CAST: variants seen among roughly 807,000 people sequenced by gnomAD.
CAST encodes MIR583 host.
Under a neutral mutation model 119.6 loss-of-function variants are expected in CAST, and 76 were observed. The ratio of observed to expected loss-of-function variants is 0.64; its 90% CI spans 0.53 to 0.77. The LOEUF (loss-of-function observed/expected upper bound fraction) is 0.77, where lower values mean the gene tolerates loss of function less well. Among genes scored for constraint, CAST ranks in the 30% least tolerant of loss-of-function variants. The pLI is 0.00. For synonymous variants in CAST, 319 were observed against 331.6 expected (o/e 0.96, Z 0.41); for missense variants, 953 against 946.5 (o/e 1.01, Z -0.09).
chr5:96,520,798 G>A (rs926140674), upstream of CAST, among the ~76,000 whole-genome samples: 13 of 152,214 alleles, frequency 8.5e-5, no homozygotes, highest in Admixed American at 2.6e-4. Flanking sequence ...TCCACCTACT[G>A]TGCATGACAG....
At chr5:96,534,724 A>AAC (rs1561408779) in intron 1 of CAST, among the ~76,000 whole-genome samples, 1 of 19,424 alleles carries the variant, frequency 5.1e-5, no homozygotes, top group Non-Finnish European at 1.1e-4. Flanking sequence ...GGAGAGAGAG[A>AAC]GAGAGAGAGA....
the CAST span, among the ~76,000 whole-genome samples, chr5:96,357,386 C>T: frequency 2.6e-5 from 4 of 152,080 alleles, no homozygotes; most frequent in African/African-American, 9.7e-5. Flanking sequence ...GAAGTGGTGG[C>T]AAAGGGCATC....
At chr5:96,685,853 AGTG>A in intron 2 of CAST, among the ~76,000 whole-genome samples, 1 of 152,256 alleles carries the variant, frequency 6.6e-6, no homozygotes, top group Non-Finnish European at 1.5e-5. Flanking sequence ...CTCTTATGCC[AGTG>A]GTCTTTTGAG....
chr5:96,273,107 A>G, the CAST span, among the ~76,000 whole-genome samples: 2 of 152,168 alleles, frequency 1.3e-5, no homozygotes, highest in East Asian at 3.8e-4. Flanking sequence ...ACAACCCTAG[A>G]GAAGAACTTG....
intron 25 of CAST, among the ~76,000 whole-genome samples, chr5:96,764,829 G>A (rs908723966): frequency 6.6e-6 from 1 of 152,082 alleles, no homozygotes; most frequent in Non-Finnish European, 1.5e-5. Flanking sequence ...GTTTTCTAAT[G>A]GTGTTTAATT....
At chr5:96,638,158 C>G (rs1434514170) in intron 1 of CAST, among the ~76,000 whole-genome samples, 1 of 152,062 alleles carries the variant, frequency 6.6e-6, no homozygotes, top group Non-Finnish European at 1.5e-5. Flanking sequence ...GTAATCCCAG[C>G]ACTTTGGGAG....
intron 1 of CAST, among the ~76,000 whole-genome samples, chr5:96,600,401 A>G (rs185751350): frequency 6.6e-6 from 1 of 152,346 alleles, no homozygotes; most frequent in African/African-American, 2.4e-5. Context: ...GTAAGGGCAC[A>G]TTATATGGAT....
At chr5:96,324,409 A>T in the CAST span, among the ~76,000 whole-genome samples, 4 of 152,350 alleles carry the variant, frequency 2.6e-5, no homozygotes, top group African/African-American at 9.6e-5. Flanking sequence ...TGCTTAGCTG[A>T]ACTGGCCTTT....
chr5:96,308,098 G>A, the CAST span, among the ~76,000 whole-genome samples: 5 of 152,054 alleles, frequency 3.3e-5, no homozygotes, highest in African/African-American at 9.7e-5. Context: ...CCAATCAAAC[G>A]TAGATTTGAT....
chr5:96,505,051 T>C, the CAST span, among the ~76,000 whole-genome samples: 1 of 152,218 alleles, frequency 6.6e-6, no homozygotes, highest in Non-Finnish European at 1.5e-5. Context: ...CTATAGTGTC[T>C]CTGCTATGAA....
At chr5:96,130,059 C>T in the CAST span, among the ~76,000 whole-genome samples, 1 of 141,972 alleles carries the variant, frequency 7.0e-6, no homozygotes, top group South Asian at 2.2e-4. Flanking sequence ...TCTTGCTGTC[C>T]CCTGGGCTGC....
At chr5:96,036,713 T>C in the CAST span, among the ~76,000 whole-genome samples, 2 of 152,208 alleles carry the variant, frequency 1.3e-5, no homozygotes, top group Non-Finnish European at 2.9e-5. Context: ...ACAATTAATA[T>C]TTAAGACCAT....
the CAST span, among the ~76,000 whole-genome samples, chr5:96,451,766 G>C: frequency 4.9e-4 from 75 of 152,178 alleles, 1 homozygote; most frequent in African/African-American, 1.8e-3. Context: ...CTAATATCCA[G>C]AATCTATAAA....
chr5:95,997,652 C>G, the CAST span, among the ~76,000 whole-genome samples: 4,039 of 152,238 alleles, frequency 0.027, 173 homozygotes, highest in African/African-American at 0.091. Context: ...AGGCTTTGTA[C>G]TGCTCATTTC....
At chr5:96,048,137 G>T in the CAST span, among the ~76,000 whole-genome samples, 1 of 152,184 alleles carries the variant, frequency 6.6e-6, no homozygotes, top group African/African-American at 2.4e-5. Context: ...ATATTTAAGT[G>T]CTCAGTTTGT....
chr5:96,399,926 G>T, the CAST span: 2 of 1,518,658 alleles, frequency 1.3e-6, no homozygotes, highest in Non-Finnish European at 9.1e-7. Context: ...GGGCACACAT[G>T]TGTTTAAAAT....
intron 1 of CAST, among the ~76,000 whole-genome samples, chr5:96,616,751 T>TAC (rs1260243045): frequency 0.033 from 3,916 of 118,258 alleles, 77 homozygotes; most frequent in Non-Finnish European, 0.045. Context: ...TCTCTATATA[T>TAC]ATACACACAC....
intron 6 of CAST, 157 bp from the exon 7 acceptor site, chr5:96,728,996 T>C (rs1581156502): frequency 3.4e-6 from 2 of 591,034 alleles, no homozygotes; most frequent in African/African-American, 3.9e-5. Context: ...ACCACATGTC[T>C]ACTTCTGTGA....
At chr5:96,698,293 G>C (rs1012514796) in intron 3 of CAST, among the ~76,000 whole-genome samples, 1 of 152,190 alleles carries the variant, frequency 6.6e-6, no homozygotes, top group Non-Finnish European at 1.5e-5. Context: ...TGTCTTAAGA[G>C]CTGGGAGGGG....
Sources: gnomAD v4.1 joint callset for allele counts (sites outside exome capture counted in the v4.1 genomes callset) on GRCh38, gnomAD v4.1.1 for gene constraint, MANE v1.5 for transcripts, NCBI Gene and HGNC (gene_info 2026-07-23, HGNC 2026-07-21) for gene names.